EXOC2: variants seen among roughly 807,000 people sequenced by gnomAD.
EXOC2 encodes exocyst complex component 2.
Under a neutral mutation model 131.8 loss-of-function variants are expected in EXOC2, and 70 were observed. The ratio of observed to expected loss-of-function variants is 0.53; its 90% confidence interval spans 0.44 to 0.65. The LOEUF is 0.65. Among genes scored for constraint, EXOC2 ranks in the 30% least tolerant of loss-of-function variants. The pLI, the probability that EXOC2 is intolerant of heterozygous loss-of-function variation, is 0.00. For missense variants in EXOC2, 923 were observed against 1,108.6 expected (o/e 0.83, Z 2.38); for synonymous variants, 411 against 398.4 (o/e 1.03, Z -0.38).
At chr6:674,554 A>G (rs1394315100) in intron 1 of EXOC2, among the ~76,000 whole-genome samples, 1 of 152,178 alleles carries the variant, frequency 6.6e-6, no homozygotes, top group African/African-American at 2.4e-5. Flanking sequence ...GGGAGAAATG[A>G]GTAAGCTATT....
intron 11 of EXOC2, among the ~76,000 whole-genome samples, chr6:585,221 A>G (rs1051645378): frequency 5.8e-4 from 88 of 152,322 alleles, no homozygotes; most frequent in African/African-American, 2.1e-3. Context: ...TGAGTTTTTA[A>G]AATATTAACC....
In EXOC2 at chr6:564,118, A is replaced by G. The variant is rs990900162; in HGVS notation, c.1704T>C (p.Pro568=). 6.2e-7 allele frequency: 1 copy of G among 1,614,078 alleles called. No homozygotes were observed. The highest frequency in any genetic ancestry group is 8.5e-7 in the Non-Finnish European group (1 of 1,180,040). ...THESLTALEI[P]NDLLQTIQDL... ...CCTGGATAGTCTGTAACAGGTCATT[A>G]GGAATTTCAAGGGCAGTCAACGATT... Residue 568 remains proline, a synonymous_variant, in exon 16 of 28, where the codon CCT becomes CCC. Coordinates refer to ENST00000230449, the MANE Select transcript of EXOC2 (RefSeq NM_018303.6).
At chr6:503,480 G>A (rs777616123) in intron 23 of EXOC2, among the ~76,000 whole-genome samples, 22 of 152,110 alleles carry the variant, frequency 1.4e-4, no homozygotes, top group Admixed American at 2.6e-4. Flanking sequence ...TATTTATTAC[G>A]CATTTGCCCT....
At chr6:650,137 A>G (rs2127736457) in intron 1 of EXOC2, among the ~76,000 whole-genome samples, 1 of 152,366 alleles carries the variant, frequency 6.6e-6, no homozygotes, top group South Asian at 2.1e-4. Context: ...TAAGTAAAAC[A>G]ATCATATGGT....
Position 516,110 on chromosome 6 carries a change from G to A in EXOC2, c.2380+16359C>T, listed in dbSNP as rs1765151841. On this transcript the variant is annotated intron_variant, in intron 23 of 27. Coordinates refer to ENST00000230449, the MANE Select transcript of EXOC2 (RefSeq NM_018303.6). Reference sequence around the variant, plus strand: ...AATCTGGAACTGTCTATAACCCTACGCTACTCCAGTGCACTCCACCCATCC... The same window carrying A: ...AATCTGGAACTGTCTATAACCCTACACTACTCCAGTGCACTCCACCCATCC... 4.6e-5 allele frequency among the ~76,000 whole-genome samples: 7 copies of A among 152,206 alleles called. No individual in the cohort carries two copies. In the South Asian group the frequency reaches 1.2e-3, roughly 27 times the overall value.
chr6:549,254 T>G lies in EXOC2; in HGVS notation c.2159A>C (p.Tyr720Ser), dbSNP rs767425792. 1 of 1,614,244 alleles carries G rather than the reference T, an allele frequency of 6.2e-7. No homozygotes were observed. The highest frequency in any genetic ancestry group is 8.5e-7 in the Non-Finnish European group (1 of 1,180,038). ...ATTTAGGAAGGTGTGACGTTCTAGA[T>G]AGCAGCAATTACTTAGGACTATCAA... is the stretch of plus-strand genomic sequence containing the variant. ...RLLIVLSNCCYLERHTFLNIA... is the reference protein window; with the variant it reads ...RLLIVLSNCCSLERHTFLNIA... Residue 720 changes from tyrosine to serine, a missense_variant, in exon 22 of 28, where the codon TAT (tyrosine) becomes TCT (serine). By Grantham distance (144) the Tyr-to-Ser change is moderately radical. Coordinates refer to ENST00000230449, the MANE Select transcript of EXOC2 (RefSeq NM_018303.6).
At chr6:487,022 C>G (rs1052926096) in intron 27 of EXOC2, among the ~76,000 whole-genome samples, 5 of 152,226 alleles carry the variant, frequency 3.3e-5, no homozygotes, top group African/African-American at 1.2e-4. Context: ...AGATTCCTCC[C>G]TAATACAGAC....
chr6:691,090 C>T (rs1167047444), intron 1 of EXOC2, among the ~76,000 whole-genome samples: 3 of 152,214 alleles, frequency 2.0e-5, no homozygotes, highest in Admixed American at 2.0e-4. Context: ...TGAGAGGACA[C>T]CTCTGTAACC....
intron 23 of EXOC2, among the ~76,000 whole-genome samples, chr6:526,372 T>C (rs992308751): frequency 2.6e-5 from 4 of 152,130 alleles, no homozygotes; most frequent in African/African-American, 4.8e-5. Flanking sequence ...ATATTAGTTA[T>C]TTTGTGAATT....
chr6:692,859 CG>C (rs948098605), intron 1 of EXOC2, among the ~76,000 whole-genome samples, 159 bp downstream of exon 1: 2 of 151,586 alleles, frequency 1.3e-5, no homozygotes, highest in African/African-American at 2.4e-5. Flanking sequence ...CTGGGAACCG[CG>C]GGGGGTCGCG....
intron 23 of EXOC2, among the ~76,000 whole-genome samples, chr6:509,254 A>G (rs1317074528): frequency 6.6e-6 from 1 of 152,210 alleles, no homozygotes; most frequent in Non-Finnish European, 1.5e-5. Flanking sequence ...ATTTACTACC[A>G]TAAATAATGC....
chr6:646,659 C>G (rs977702795), intron 1 of EXOC2, among the ~76,000 whole-genome samples: 1 of 152,002 alleles, frequency 6.6e-6, no homozygotes, highest in African/African-American at 2.4e-5. Context: ...CACAAATAAG[C>G]AATGAATAAA....
intron 1 of EXOC2, among the ~76,000 whole-genome samples, chr6:653,875 T>C (rs1004756996): frequency 6.6e-6 from 1 of 152,232 alleles, no homozygotes; most frequent in Non-Finnish European, 1.5e-5. Context: ...TGTTAGGGGC[T>C]AATGTAGCTG....
chr6:652,989 C>T (rs146263487), intron 1 of EXOC2, among the ~76,000 whole-genome samples: 51 of 152,324 alleles, frequency 3.3e-4, no homozygotes, highest in African/African-American at 1.2e-3. Context: ...ATTATCATTA[C>T]ATCTGTCATG....
At chr6:603,385 T>C (rs1257951849) in intron 7 of EXOC2, among the ~76,000 whole-genome samples, 2 of 151,066 alleles carry the variant, frequency 1.3e-5, no homozygotes, top group African/African-American at 4.9e-5. Context: ...ACGGACAGGA[T>C]CATTAACAGT....
At position 515,862 on chromosome 6, in the gene EXOC2, G is replaced by T. The variant is rs72835921; in HGVS notation, c.2381-16162C>A. 7.8e-3 allele frequency among the ~76,000 whole-genome samples: 1,188 copies of T among 152,290 alleles called. 13 individuals are homozygous for T. Among genetic ancestry groups the T allele is most frequent in the Non-Finnish European group, 0.012 (828 of 68,020 alleles). On this transcript the variant is annotated intron_variant, in intron 23 of 27. Transcript: ENST00000230449. ...AGTGAGCACCAAGTGGCTTCCGGGG[G>T]TTTCTTTTAGAAAACTTGCCCGTCC...
rs546300692 is a variant in EXOC2, at chr6:610,210, C to T, written c.662-32G>A. The T allele has an allele frequency of 1.5e-5, 23 of 1,520,270 alleles. No individual in the cohort carries two copies. In the South Asian group the frequency reaches 2.6e-4, roughly 17 times the overall value. 94.2% of individuals were successfully genotyped at this position (1,520,270 alleles called of 1,614,324 possible). On this transcript the variant is annotated intron_variant, in intron 6 of 27. Coordinates refer to ENST00000230449, the MANE Select transcript of EXOC2 (RefSeq NM_018303.6). ...AAAAAAATCTAGTTAAAATGTAGGCCATTTTAATGGGTGGAGATACATTAA... is the reference window on the plus strand; with the variant it reads ...AAAAAAATCTAGTTAAAATGTAGGCTATTTTAATGGGTGGAGATACATTAA...
rs1297111643 is a variant in EXOC2, at chr6:556,027, T to C, written c.1933-14A>G. The C allele has an allele frequency of 1.9e-6, 3 of 1,611,794 alleles. No individual in the cohort carries two copies. On this transcript the variant is annotated splice_polypyrimidine_tract_variant and intron_variant, in intron 18 of 27. Transcript: ENST00000230449. ...TTGTTGGAAGACCTGTAAGGAAGAA[T>C]TTTGATGAAAATTTTTGGACTTTGC...
At chr6:656,930 G>A (rs138504161) in intron 1 of EXOC2, 7 of 1,525,480 alleles carry the variant, frequency 4.6e-6, no homozygotes, top group African/African-American at 1.4e-5. Context: ...CGGTGATCTT[G>A]GCGCGAAACT....
Sources: gnomAD v4.1 joint callset for allele counts (sites outside exome capture counted in the v4.1 genomes callset) on GRCh38, gnomAD v4.1.1 for gene constraint, MANE v1.5 for transcripts, NCBI Gene and HGNC (gene_info 2026-07-23, HGNC 2026-07-21) for gene names.